The following ASXL3 variants were observed in gnomAD, a reference collection of about 807,000 sequenced individuals.
ASXL3 encodes ASXL transcriptional regulator 3.
Under a neutral mutation model 170.6 loss-of-function variants are expected in ASXL3, and 34 were observed. The observed-to-expected ratio is 0.20, with a 90% CI of 0.15 to 0.27. The LOEUF (loss-of-function observed/expected upper bound fraction) is 0.27. ASXL3 is among the 10% of genes least tolerant of loss of function. ASXL3 has a pLI of 1.00. For missense variants in ASXL3, 2,592 were observed against 2,695.3 expected, an observed-to-expected ratio of 0.96 and a Z score of 0.85; for synonymous variants, 1,002 against 989.1, an observed-to-expected ratio of 1.01 and a Z score of -0.24.
chr18:33,734,052 C>CATTCTTCTA (rs1350096252), intron 9 of ASXL3, among the ~76,000 whole-genome samples: 1 of 140,888 alleles, frequency 7.1e-6, no homozygotes, highest in Non-Finnish European at 1.6e-5. Context: ...AATGCTTTAG[C>CATTCTTCTA]ATTCTTCTAA....
At chr18:33,652,454 A>G (rs1408955278) in intron 4 of ASXL3, among the ~76,000 whole-genome samples, 3 of 152,054 alleles carry the variant, frequency 2.0e-5, no homozygotes, top group Admixed American at 1.3e-4. Flanking sequence ...ACCATCCTAT[A>G]TATTTCTTTT....
intron 8 of ASXL3, among the ~76,000 whole-genome samples, chr18:33,714,348 A>G (rs1263443560): frequency 6.6e-6 from 1 of 152,098 alleles, no homozygotes; most frequent in Non-Finnish European, 1.5e-5. Flanking sequence ...GGGATCATGG[A>G]ATCACTACTC....
intron 9 of ASXL3, 110 bp from the exon 10 acceptor site, chr18:33,734,200 T>G: frequency 1.6e-6 from 1 of 617,548 alleles, no homozygotes. Flanking sequence ...TATTTGTCCT[T>G]GTACTTTTCA....
chr18:33,610,057 A>G (rs1433461054), intron 2 of ASXL3, among the ~76,000 whole-genome samples: 2 of 152,108 alleles, frequency 1.3e-5, no homozygotes, highest in East Asian at 3.9e-4. Context: ...GAGTAAGTTT[A>G]GGACTGTCCT....
chr18:33,578,636 A>G lies in ASXL3; in HGVS notation c.5A>G (p.Lys2Arg). Residue 2 changes from lysine (K) to arginine (R), a missense_variant, in exon 1 of 12, where the codon AAA (lysine) becomes AGA (arginine). Lys to Arg is a conservative substitution (Grantham distance 26). Coordinates refer to ENST00000269197, the MANE Select transcript of ASXL3 (RefSeq NM_030632.3). M[K>R]DKRKKKDRTW... ...AACCATCAATGAGATGCAAACATGA[A>G]AGACAAGAGGAAGAAGAAGGACCGC... 1.5e-6 allele frequency: 2 copies of G among 1,355,492 alleles called. No homozygotes were observed. The highest frequency in any genetic ancestry group is 2.2e-5 in the Admixed American group (1 of 46,306). 84.0% of individuals were successfully genotyped at this position (1,355,492 alleles called of 1,614,324 possible).
Position 33,745,956 on chromosome 18 carries a change from C to T in ASXL3, c.6108C>T (p.Pro2036=), listed in dbSNP as rs570649910. The change falls in exon 12 of 12, where the codon CCC becomes CCT. Residue 2036 remains proline (P), a synonymous_variant. Coordinates refer to ENST00000269197, the MANE Select transcript of ASXL3 (RefSeq NM_030632.3). The stretch of plus-strand genomic sequence containing the variant: ...CCTTGGCTTTGCCCCCGCCTCCCCC[C>T]CCACCACCTCCGCTACCTCCACCTC... ...PPPLALPPPP[P]PPPPLPPPLP... The T allele has an allele frequency of 2.7e-4, 418 of 1,536,028 alleles. 1 individual carries two copies. The highest frequency in any genetic ancestry group is 3.5e-4 in the Non-Finnish European group (394 of 1,138,044).
intron 2 of ASXL3, among the ~76,000 whole-genome samples, chr18:33,618,507 G>A (rs538206395): frequency 6.6e-6 from 1 of 152,074 alleles, no homozygotes; most frequent in African/African-American, 2.4e-5. Flanking sequence ...AGATATTACT[G>A]TTAAGTTAAT....
At position 33,733,697 on chromosome 18, in the gene ASXL3, G is replaced by A. The variant is rs570392736; in HGVS notation, c.977-613G>A. On this transcript the variant is annotated intron_variant, in intron 9 of 11. Transcript: ENST00000269197. ...AACATCTATTGGGTAATTGGCCTCA[G>A]CTTTTATTTCCCATTTTATTTCTTG... Among the ~76,000 whole-genome samples the A allele has an allele frequency of 2.6e-5, 4 of 152,198 alleles. No individual in the cohort carries two copies. The East Asian group carries it at 7.7e-4, about 29-fold the overall frequency.
chr18:33,744,716 C>T lies in ASXL3; in HGVS notation c.4868C>T (p.Thr1623Ile). The T allele has an allele frequency of 5.6e-6, 9 of 1,613,052 alleles. No individual in the cohort carries two copies. Among genetic ancestry groups the T allele is most frequent in the Non-Finnish European group, 7.6e-6 (9 of 1,179,442 alleles). ...GMRSTGQPLVTHSGSSKQKEY... is the reference protein window; with the variant it reads ...GMRSTGQPLVIHSGSSKQKEY... Reference sequence around the variant, plus strand: ...AGGAGCACAGGACAGCCTCTGGTTACTCACTCGGGTTCAAGTAAACAAAAA... The same window carrying T: ...AGGAGCACAGGACAGCCTCTGGTTATTCACTCGGGTTCAAGTAAACAAAAA... Residue 1623 changes from threonine (T) to isoleucine (I), a missense_variant, in exon 12 of 12, where the codon ACT (threonine) becomes ATT (isoleucine). By Grantham distance (89) the Thr-to-Ile change is moderately conservative (BLOSUM62 -1). This residue lies in a region of ASXL3 where 2,246 missense variants were observed against 2,219.6 expected (regional missense o/e 1.01). Coordinates refer to ENST00000269197, the MANE Select transcript of ASXL3 (RefSeq NM_030632.3).
In ASXL3 at chr18:33,746,889, C is replaced by T. The variant is rs1599580684; in HGVS notation, c.*294C>T. ...TGCCCCATTTTTGTTTTTCTTTTAA[C>T]CGAGGTGTAGATAGGAAAAGGACAT... On this transcript the variant is annotated 3_prime_UTR_variant, in exon 12 of 12. Coordinates refer to ENST00000269197, the MANE Select transcript of ASXL3 (RefSeq NM_030632.3). The T allele has an allele frequency of 1.3e-5, 4 of 304,248 alleles. No homozygotes were observed. The highest frequency in any genetic ancestry group is 8.6e-5 in the African/African-American group (4 of 46,588). 18.8% of individuals were successfully genotyped at this position (304,248 alleles called of 1,614,324 possible).
chr18:33,747,251 A>G lies in ASXL3; in HGVS notation c.*656A>G, dbSNP rs1708691564. 1 of 152,166 alleles carries G rather than the reference A, an allele frequency of 6.6e-6. No individual in the cohort carries two copies. Among genetic ancestry groups the G allele is most frequent in the Admixed American group, 6.5e-5 (1 of 15,274 alleles). The allele number at this position is 152,166 out of a possible 1,614,324, so 9.4% of individuals were successfully genotyped here. A position where few individuals can be genotyped will look rare whatever the true frequency, so the allele number is the denominator to read the frequency against. On this transcript the variant is annotated 3_prime_UTR_variant, in exon 12 of 12. Transcript: ENST00000269197. ...GATCTTCCTTGGATTTTGTACACAT[A>G]TTGTAGTGAAATGTGTCCTACATCT...
At chr18:33,741,797 T>G (rs2067667892) in intron 11 of ASXL3, among the ~76,000 whole-genome samples, 2 of 152,150 alleles carry the variant, frequency 1.3e-5, no homozygotes, top group Non-Finnish European at 2.9e-5. Context: ...AGTTATATAA[T>G]CCCAAGGCAA....
Position 33,743,469 on chromosome 18 carries a change from A to G in ASXL3, c.3621A>G (p.Ile1207Met). 2 of 1,613,560 alleles carry G rather than the reference A, an allele frequency of 1.2e-6. No individual in the cohort carries two copies. The highest frequency in any genetic ancestry group is 1.7e-4 in the Middle Eastern group (1 of 6,060). ...DLSVHSSDEN[I>M]PVSHLSEKIV... ...CTGTGCATAGTTCTGATGAAAACAT[A>G]CCTGTGTCACATTTATCTGAGAAAA... The change falls in exon 12 of 12, where the codon ATA becomes ATG. Residue 1207 changes from isoleucine (I) to methionine (M), a missense_variant. Ile to Met is a conservative substitution (Grantham distance 10, BLOSUM62 1). Transcript: ENST00000269197.
chr18:33,658,584 C>A (rs2066119387), intron 4 of ASXL3, among the ~76,000 whole-genome samples: 1 of 151,932 alleles, frequency 6.6e-6, no homozygotes, highest in Non-Finnish European at 1.5e-5. Flanking sequence ...ATTTTTTGTT[C>A]TTAAAAATAA....
chr18:33,673,049 A>C (rs2066370653), intron 7 of ASXL3, among the ~76,000 whole-genome samples: 1 of 152,180 alleles, frequency 6.6e-6, no homozygotes, highest in Non-Finnish European at 1.5e-5. Flanking sequence ...CTGTACATGG[A>C]CATATTCTTT....
In ASXL3 at chr18:33,738,813, A is replaced by T; in HGVS notation, c.1409A>T (p.His470Leu). 6.2e-7 allele frequency: 1 copy of T among 1,613,686 alleles called. No individual in the cohort carries two copies. The highest frequency in any genetic ancestry group is 1.1e-5 in the South Asian group (1 of 91,076). ...ATCTGTGAATGCCAGGATGAAAATC[A>T]TAAGACAATACCTGAATTTTCTGAG... ...TSICECQDEN[H>L]KTIPEFSEEA... Residue 470 changes from histidine to leucine, a missense_variant, in exon 11 of 12, where the codon CAT (histidine) becomes CTT (leucine). Coordinates refer to ENST00000269197, the MANE Select transcript of ASXL3 (RefSeq NM_030632.3).
At chr18:33,673,196 C>T (rs2066372838) in intron 7 of ASXL3, among the ~76,000 whole-genome samples, 1 of 152,124 alleles carries the variant, frequency 6.6e-6, no homozygotes, top group Admixed American at 6.5e-5. Context: ...GGAATTTAAA[C>T]ATCTGCGGCC....
In ASXL3 at chr18:33,743,162, A is replaced by C. The variant is rs1464808700; in HGVS notation, c.3314A>C (p.Gln1105Pro). The C allele has an allele frequency of 6.2e-7, 1 of 1,613,962 alleles. No individual in the cohort carries two copies. ...KTRTLAHIKE[Q>P]TKAKLFAKHQ... The stretch of plus-strand genomic sequence containing the variant: ...AGAACTCTGGCACACATCAAAGAGC[A>C]GACAAAGGCTAAGCTCTTTGCAAAG... Residue 1105 changes from glutamine (Q) to proline (P), a missense_variant, in exon 12 of 12, where the codon CAG becomes CCG. By Grantham distance (76) the Gln-to-Pro change is moderately conservative. Coordinates refer to ENST00000269197, the MANE Select transcript of ASXL3 (RefSeq NM_030632.3).
chr18:33,740,131 A>G lies in ASXL3; in HGVS notation c.2727A>G (p.Ser909=). Residue 909 remains serine, a synonymous_variant, in exon 11 of 12, where the codon TCA becomes TCG. Coordinates refer to ENST00000269197, the MANE Select transcript of ASXL3 (RefSeq NM_030632.3). ...AATTACAGGACAAGCAATATATCTC[A>G]TCAGTGGATAAGGCTCCATTTTCAG... is the stretch of plus-strand genomic sequence containing the variant. The part of the protein sequence containing the change: ...SAKLQDKQYI[S]SVDKAPFSEG... 6.2e-7 allele frequency: 1 copy of G among 1,612,528 alleles called. No homozygotes were observed. The highest frequency in any genetic ancestry group is 1.1e-5 in the South Asian group (1 of 91,030).
Sources: gnomAD v4.1 joint callset for allele counts (sites outside exome capture counted in the v4.1 genomes callset) on GRCh38, gnomAD v4.1.1 for gene constraint, gnomAD v4.1.1 regional missense constraint, MANE v1.5 for transcripts, NCBI Gene and HGNC (gene_info 2026-07-23, HGNC 2026-07-21) for gene names.